The following TRIM4 variants were observed in gnomAD, a reference collection of about 807,000 sequenced individuals.
The protein encoded by TRIM4 is tripartite motif containing 4.
A neutral mutation model predicts 33.7 loss-of-function variants in TRIM4; 29 were observed. The observed-to-expected ratio is 0.86, with a 90% CI of 0.64 to 1.17. The LOEUF (loss-of-function observed/expected upper bound fraction) is 1.17, where lower values mean the gene tolerates loss of function less well. Ranked by LOEUF, TRIM4 falls within the 50% of genes most tolerant of loss-of-function variation. The pLI, the probability that TRIM4 is intolerant of heterozygous loss-of-function variation, is 0.00. For synonymous variants in TRIM4, 224 were observed against 233.0 expected (o/e 0.96, Z 0.35); for missense variants, 554 against 593.7 (o/e 0.93, Z 0.69).
intron 5 of TRIM4, among the ~76,000 whole-genome samples, chr7:99,902,615 G>T (rs1563085237): frequency 1.3e-5 from 2 of 152,102 alleles, no homozygotes; most frequent in Non-Finnish European, 2.9e-5. Context: ...GCATGTACCT[G>T]CCTTGGTGCC....
chr7:99,899,468 C>T (rs1427509105), intron 5 of TRIM4, among the ~76,000 whole-genome samples: 1 of 152,192 alleles, frequency 6.6e-6, no homozygotes, highest in African/African-American at 2.4e-5. Context: ...TTCGGCCTTT[C>T]AGACACGGTG....
intron 1 of TRIM4, chr7:99,917,731 T>A: frequency 2.4e-6 from 2 of 832,484 alleles, no homozygotes; most frequent in East Asian, 2.5e-4. Context: ...AAAACAATAA[T>A]AATAAAATAA....
chr7:99,911,404 G>A (rs547630036), intron 1 of TRIM4, among the ~76,000 whole-genome samples: 1 of 152,050 alleles, frequency 6.6e-6, no homozygotes, highest in Non-Finnish European at 1.5e-5. Context: ...AAATGCTGGA[G>A]GGTGGCCTGG....
At chr7:99,903,131 G>C (rs1468608737) in intron 5 of TRIM4, 87 bp downstream of exon 5, 3 of 998,036 alleles carry the variant, frequency 3.0e-6, no homozygotes, top group Non-Finnish European at 4.5e-6. Flanking sequence ...GCTGCATGCT[G>C]TTTCCTCTTT....
chr7:99,891,990 C>T lies in TRIM4; in HGVS notation c.*173G>A. ...ATCTCCATTGGCCAGACCCACCTCC[C>T]ATGGGACTGCCTCTTGTGAAGCACA... On this transcript the variant is annotated 3_prime_UTR_variant, in exon 6 of 6. Transcript: ENST00000349062. The T allele has an allele frequency of 1.6e-6, 1 of 611,264 alleles. No individual in the cohort carries two copies. Among genetic ancestry groups the T allele is most frequent in the Non-Finnish European group, 2.8e-6 (1 of 362,476 alleles). 37.9% of individuals were successfully genotyped at this position (611,264 alleles called of 1,614,324 possible). A position where few individuals can be genotyped will look rare whatever the true frequency, so the allele number is the denominator to read the frequency against.
intron 1 of TRIM4, among the ~76,000 whole-genome samples, chr7:99,912,213 T>G (rs1819460844): frequency 6.6e-6 from 1 of 152,204 alleles, no homozygotes; most frequent in African/African-American, 2.4e-5. Flanking sequence ...ATTTGTGTTT[T>G]TCATGGTATT....
At position 99,908,825 on chromosome 7, in the gene TRIM4, G is replaced by A. The variant is rs1563087215; in HGVS notation, c.490-13C>T. ...TCTTTATCTTATCCTAAGGCCACAT[G>A]AGATTTGCTCACTCCTTTTTCTGCC... is the stretch of plus-strand genomic sequence containing the variant. On this transcript the variant is annotated splice_polypyrimidine_tract_variant and intron_variant, in intron 2 of 5. Coordinates refer to ENST00000349062, the MANE Select transcript of TRIM4 (RefSeq NM_033091.3). 1.2e-6 allele frequency: 2 copies of A among 1,609,472 alleles called. No homozygotes were observed. The highest frequency in any genetic ancestry group is 1.7e-6 in the Non-Finnish European group (2 of 1,177,758).
intron 5 of TRIM4, chr7:99,902,055 G>A (rs1819185752): frequency 1.3e-6 from 1 of 759,510 alleles, no homozygotes. Flanking sequence ...ATCATAGGCT[G>A]ACCTCATTTG....
intron 5 of TRIM4, among the ~76,000 whole-genome samples, chr7:99,902,490 G>T (rs921903391): frequency 6.6e-6 from 1 of 151,984 alleles, no homozygotes; most frequent in Non-Finnish European, 1.5e-5. Flanking sequence ...CAAATGATCC[G>T]CCTGCCTCGA....
At chr7:99,908,483 G>T in intron 3 of TRIM4, 99 bp downstream of exon 3, 1 of 924,906 alleles carries the variant, frequency 1.1e-6, no homozygotes, top group Non-Finnish European at 1.6e-6. Context: ...GATAAGACAT[G>T]TCTATGAAAC....
In TRIM4 at chr7:99,894,537, C is replaced by T. The variant is rs182853942; in HGVS notation, c.842-1791G>A. Among the ~76,000 whole-genome samples, 691 of 151,972 alleles carry T rather than the reference C, an allele frequency of 4.5e-3. 4 individuals are homozygous for T. The highest frequency in any genetic ancestry group is 0.016 in the African/African-American group (660 of 41,428). On this transcript the variant is annotated intron_variant, in intron 5 of 5. Coordinates refer to ENST00000349062, the MANE Select transcript of TRIM4 (RefSeq NM_033091.3). ...CAAAAATTAGCCAGGCATGGTGGCG[C>T]GCACCTGCAGTCCCAGCTACTTGGG...
rs1818902288 is a variant in TRIM4, at chr7:99,892,044, AG to A, written c.*118del. ...AGGGCAGATACCAAACGGTACCGTT[AG>A]GGAGACCCAGAAGATGGACCATCCA... On this transcript the variant is annotated 3_prime_UTR_variant, in exon 6 of 6. Coordinates refer to ENST00000349062, the MANE Select transcript of TRIM4 (RefSeq NM_033091.3). The A allele has an allele frequency of 1.4e-5, 13 of 901,294 alleles. No homozygotes were observed. The South Asian group carries it at 2.1e-4, about 15-fold the overall frequency. 55.8% of individuals were successfully genotyped at this position (901,294 alleles called of 1,614,324 possible). A position where few individuals can be genotyped will look rare whatever the true frequency, so the allele number is the denominator to read the frequency against.
At chr7:99,917,017 T>G in intron 1 of TRIM4, among the ~76,000 whole-genome samples, 1 of 152,210 alleles carries the variant, frequency 6.6e-6, no homozygotes, top group East Asian at 1.9e-4. Flanking sequence ...TCCACCACAT[T>G]TGGAATATGC....
chr7:99,890,414 G>A lies in TRIM4; in HGVS notation c.*1749C>T, dbSNP rs907634969. 3.3e-5 allele frequency: 5 copies of A among 152,122 alleles called. No homozygotes were observed. Among genetic ancestry groups the A allele is most frequent in the African/African-American group, 1.2e-4 (5 of 41,420 alleles). The allele number at this position is 152,122 out of a possible 1,614,324, so 9.4% of individuals were successfully genotyped here. Reference sequence around the variant, plus strand: ...ACATCATTCAACCATAGAGACATATGCATGTATATATTCATTGCAGCACTA... The same window carrying A: ...ACATCATTCAACCATAGAGACATATACATGTATATATTCATTGCAGCACTA... On this transcript the variant is annotated 3_prime_UTR_variant, in exon 6 of 6. Coordinates refer to ENST00000349062, the MANE Select transcript of TRIM4 (RefSeq NM_033091.3).
chr7:99,898,280 T>C (rs1236642555), intron 5 of TRIM4, among the ~76,000 whole-genome samples: 1 of 152,234 alleles, frequency 6.6e-6, no homozygotes, highest in East Asian at 1.9e-4. Context: ...AGAGTGCAGA[T>C]ACAGGTAGTA....
At position 99,908,586 on chromosome 7, in the gene TRIM4, A is replaced by T; in HGVS notation, c.716T>A (p.Leu239His). Residue 239 changes from leucine to histidine, a missense_variant, in exon 3 of 6, where the codon CTT (leucine) becomes CAT (histidine). By Grantham distance (99) the Leu-to-His change is moderately conservative. Around this residue, in one of 3 missense-constraint regions of TRIM4, gnomAD observed 290 missense variants for 335.8 expected, o/e 0.86. Coordinates refer to ENST00000349062, the MANE Select transcript of TRIM4 (RefSeq NM_033091.3). ...CCCCACTCGTAACTGTCTCACCTGAAGCAGCTCCAGGGTGGGAGCCTGGCT... is the reference window on the plus strand; with the variant it reads ...CCCCACTCGTAACTGTCTCACCTGATGCAGCTCCAGGGTGGGAGCCTGGCT... ...EKSQAPTLEL[L>H]QNPKEVLTRS... 1 of 1,609,870 alleles carries T rather than the reference A, an allele frequency of 6.2e-7. No homozygotes were observed. Among genetic ancestry groups the T allele is most frequent in the South Asian group, 1.1e-5 (1 of 90,862 alleles).
At chr7:99,907,545 ATG>A (rs1819336094) in intron 3 of TRIM4, among the ~76,000 whole-genome samples, 1 of 152,234 alleles carries the variant, frequency 6.6e-6, no homozygotes, top group South Asian at 2.1e-4. Context: ...TGTATTTTAA[ATG>A]TGTTATTTCA....
chr7:99,913,342 T>C (rs1283818170), intron 1 of TRIM4, among the ~76,000 whole-genome samples: 1 of 152,148 alleles, frequency 6.6e-6, no homozygotes, highest in East Asian at 1.9e-4. Context: ...ACCAAGCATT[T>C]CAATCTGGGT....
At chr7:99,908,536 G>T (rs1049427186) in intron 3 of TRIM4, 46 bp downstream of exon 3, 2 of 1,449,318 alleles carry the variant, frequency 1.4e-6, no homozygotes, top group Non-Finnish European at 9.5e-7. Context: ...ACAAGAGAGA[G>T]TTCAGTTAGT....
Sources: gnomAD v4.1 joint callset for allele counts (sites outside exome capture counted in the v4.1 genomes callset) on GRCh38, gnomAD v4.1.1 for gene constraint, gnomAD v4.1.1 regional missense constraint, MANE v1.5 for transcripts, NCBI Gene and HGNC (gene_info 2026-07-23, HGNC 2026-07-21) for gene names.